HKDC1: variants seen among roughly 807,000 people sequenced by gnomAD.
The protein encoded by HKDC1 is hexokinase domain containing 1, also known as hexokinase HKDC1.
HKDC1 carries 66 observed loss-of-function variants against 96.6 expected under a neutral mutation model. That is an observed-to-expected ratio of 0.68 (90% CI 0.56 to 0.84). HKDC1 has a LOEUF of 0.84. Among genes scored for constraint, HKDC1 ranks in the 40% least tolerant of loss-of-function variants. The probability of loss-of-function intolerance (pLI) is 0.00; values close to 1 mark genes in which losing one functional copy is unlikely to be tolerated. For synonymous variants in HKDC1, 466 were observed against 473.1 expected, an observed-to-expected ratio of 0.98 and a Z score of 0.20; for missense variants, 1,211 against 1,208.1, an observed-to-expected ratio of 1.00 and a Z score of -0.04.
intron 12 of HKDC1, among the ~76,000 whole-genome samples, 193 bp downstream of exon 12, chr10:69,250,845 C>G (rs932404256): frequency 6.6e-6 from 1 of 152,128 alleles, no homozygotes; most frequent in Non-Finnish European, 1.5e-5. Context: ...ACTGACCATT[C>G]ACAAGAGAAT....
chr10:69,256,969 G>C lies in HKDC1; in HGVS notation c.1837-67G>C, dbSNP rs913182401. The C allele has an allele frequency of 3.4e-6, 4 of 1,175,662 alleles. No homozygotes were observed. The African/African-American group carries it at 6.0e-5, about 18-fold the overall frequency. The allele number at this position is 1,175,662 out of a possible 1,614,324, so 72.8% of individuals were successfully genotyped here. A position where few individuals can be genotyped will look rare whatever the true frequency, so the allele number is the denominator to read the frequency against. ...CAGCTATAGTGCTTTGCATCTGTTG[G>C]ATGTTGAGGTTGTGCAGTGGCCCTA... On this transcript the variant is annotated intron_variant, in intron 12 of 17. Transcript: ENST00000354624.
At chr10:69,225,736 G>A (rs1843144890) in intron 1 of HKDC1, 2 of 152,238 alleles carry the variant, frequency 1.3e-5, no homozygotes, top group African/African-American at 2.4e-5. Context: ...GTGAGCCAAA[G>A]CCAGGCCATG....
chr10:69,227,442 G>A, intron 2 of HKDC1, 73 bp downstream of exon 2: 1 of 1,547,208 alleles, frequency 6.5e-7, no homozygotes, highest in Non-Finnish European at 8.8e-7. Flanking sequence ...CCTAAGGTTT[G>A]CCCCTGTACC....
chr10:69,223,741 C>A (rs959062393), intron 1 of HKDC1, among the ~76,000 whole-genome samples: 1 of 150,564 alleles, frequency 6.6e-6, no homozygotes, highest in Admixed American at 6.6e-5. Flanking sequence ...CGCACCACCA[C>A]GCCCAGCTAA....
At chr10:69,229,056 G>A (rs1286109158) in intron 2 of HKDC1, among the ~76,000 whole-genome samples, 1 of 152,184 alleles carries the variant, frequency 6.6e-6, no homozygotes, top group Admixed American at 6.5e-5. Context: ...CTGGGGACTC[G>A]CTGAGCCACA....
At position 69,232,777 on chromosome 10, in the gene HKDC1, C is replaced by T. The variant is rs1206286761; in HGVS notation, c.240C>T (p.Phe80=). 1.9e-5 allele frequency: 31 copies of T among 1,613,886 alleles called. No individual in the cohort carries two copies. Among genetic ancestry groups the T allele is most frequent in the Non-Finnish European group, 2.4e-5 (28 of 1,179,996 alleles). Reference sequence around the variant, plus strand: ...GTTTCTTAATAGAAAATGGGGAGTTCCTTTCCCTGGATCTCGGAGGGTCCA... The same window carrying T: ...GTTTCTTAATAGAAAATGGGGAGTTTCTTTCCCTGGATCTCGGAGGGTCCA... ...AIPDGSENGE[F]LSLDLGGSKF... Residue 80 remains phenylalanine (F), a synonymous_variant, in exon 3 of 18, where the codon TTC becomes TTT. Transcript: ENST00000354624.
At chr10:69,249,633 C>CT (rs1264491616) in intron 10 of HKDC1, among the ~76,000 whole-genome samples, 2 of 152,176 alleles carry the variant, frequency 1.3e-5, no homozygotes, top group Non-Finnish European at 2.9e-5. Flanking sequence ...GTAGCTGGGA[C>CT]TACAGGCGCC....
intron 2 of HKDC1, among the ~76,000 whole-genome samples, chr10:69,229,363 G>A (rs536496842): frequency 5.3e-5 from 8 of 152,380 alleles, no homozygotes; most frequent in South Asian, 2.1e-4. Context: ...AGGTGCTTGG[G>A]ATGGACAGTG....
intron 4 of HKDC1, among the ~76,000 whole-genome samples, chr10:69,235,103 G>T (rs917678750): frequency 2.6e-5 from 4 of 151,986 alleles, no homozygotes; most frequent in African/African-American, 9.7e-5. Flanking sequence ...CTCCAGCAGC[G>T]CAGGCCACAA....
rs753476396 is a variant in HKDC1, at chr10:69,257,121, A to G, written c.1922A>G (p.Lys641Arg). 6.2e-7 allele frequency: 1 copy of G among 1,614,024 alleles called. No individual in the cohort carries two copies. Among genetic ancestry groups the G allele is most frequent in the South Asian group, 1.1e-5 (1 of 91,068 alleles). ...GTGGACATGCTCAGGGAAGCCATCA[A>G]GAGGAGAAACGTAGGATGTGGTGTT... ...DVVDMLREAIKRRNEFDLDIV... is the reference protein window; with the variant it reads ...DVVDMLREAIRRRNEFDLDIV... The change falls in exon 13 of 18, where the codon AAG (lysine) becomes AGG (arginine). Residue 641 changes from lysine (K) to arginine (R), a missense_variant. By Grantham distance (26) the Lys-to-Arg change is conservative (BLOSUM62 2). Coordinates refer to ENST00000354624, the MANE Select transcript of HKDC1 (RefSeq NM_025130.4).
intron 10 of HKDC1, 141 bp downstream of exon 10, chr10:69,248,869 C>G (rs781360560): frequency 3.9e-6 from 3 of 764,172 alleles, no homozygotes; most frequent in Non-Finnish European, 6.1e-6. Flanking sequence ...GGCTAGTATT[C>G]TTTCTAAATC....
At chr10:69,242,295 C>T (rs1052886626) in intron 6 of HKDC1, among the ~76,000 whole-genome samples, 4 of 152,066 alleles carry the variant, frequency 2.6e-5, no homozygotes, top group East Asian at 1.9e-4. Context: ...GGGGGGGCCA[C>T]GCCTAAACAG....
rs148723879 is a variant in HKDC1 at position 69,246,212 on chromosome 10, C to T, written c.1009C>T (p.Arg337Trp). Residue 337 changes from arginine to tryptophan, a missense_variant, in exon 8 of 18, where the codon CGG becomes TGG. Transcript: ENST00000354624. Reference protein sequence around the residue: ...ALHTKGKIETRHVAAMEKYKE... With the variant: ...ALHTKGKIETWHVAAMEKYKE... ...CCACACTAAGGGCAAGATCGAAACA[C>T]GGCACGTGGCTGCCATGGAGAAGTA... The T allele has an allele frequency of 1.4e-4, 218 of 1,613,892 alleles. No homozygotes were observed. The highest frequency in any genetic ancestry group is 2.7e-4 in the Admixed American group (16 of 60,010).
At chr10:69,233,263 C>A in intron 4 of HKDC1, 130 bp downstream of exon 4, 4 of 1,312,858 alleles carry the variant, frequency 3.0e-6, no homozygotes, top group South Asian at 2.8e-5. Context: ...TCTTTTTGTT[C>A]ATGATGAGGT....
rs187539372 is a variant in HKDC1, at chr10:69,226,895, C to T, written c.64-312C>T. Among the ~76,000 whole-genome samples the T allele has an allele frequency of 2.6e-5, 4 of 152,134 alleles. No individual in the cohort carries two copies. The East Asian group carries it at 7.7e-4, about 29-fold the overall frequency. On this transcript the variant is annotated intron_variant, in intron 1 of 17. Transcript: ENST00000354624. ...AGGGCCCTGAACTGGGAATCGGAAA[C>T]CCTGAATCCTTCTTAGTTTCTGCCT...
Position 69,265,781 on chromosome 10 carries a change from G to C in HKDC1, c.2569G>C (p.Val857Leu). Residue 857 changes from valine (V) to leucine (L), a missense_variant, in exon 17 of 18, where the codon GTG (valine) becomes CTG (leucine). Transcript: ENST00000354624. ...DQGLEHLRIT[V>L]GVDGTLYKLH... ...GGGGCTAGAGCACCTGAGGATCACT[G>C]TGGGTGTGGACGGCACCCTGTACAA... 6.2e-7 allele frequency: 1 copy of C among 1,613,572 alleles called. No homozygotes were observed. The highest frequency in any genetic ancestry group is 1.1e-5 in the South Asian group (1 of 91,046).
At position 69,243,264 on chromosome 10, in the gene HKDC1, CA is replaced by C; in HGVS notation, c.775del (p.Thr259GlnfsTer38). On this transcript the variant is annotated frameshift_variant, in exon 7 of 18. Transcript: ENST00000354624. LOFTEE classifies it high-confidence loss of function. Reference sequence around the variant, plus strand: ...GCGACGAGGGCAGGATGTGCATCAACACAGAGTGGGGGGCCTTCGGGGACGA... The same window carrying C: ...GCGACGAGGGCAGGATGTGCATCAACCAGAGTGGGGGGCCTTCGGGGACGA... The part of the protein sequence containing the change: ...EGDEGRMCIN[T>X]EWGAFGDDGA... The C allele has an allele frequency of 6.2e-7, 1 of 1,614,170 alleles. No individual in the cohort carries two copies. The highest frequency in any genetic ancestry group is 8.5e-7 in the Non-Finnish European group (1 of 1,180,014).
At chr10:69,262,117 T>C (rs779412924) in intron 16 of HKDC1, 5 of 434,854 alleles carry the variant, frequency 1.1e-5, no homozygotes, top group South Asian at 8.3e-5. Context: ...ACATCGTAAA[T>C]GGTGATGATT....
intron 1 of HKDC1, among the ~76,000 whole-genome samples, chr10:69,225,548 C>T (rs1006855342): frequency 2.0e-5 from 3 of 152,176 alleles, no homozygotes; most frequent in African/African-American, 7.2e-5. Flanking sequence ...GCCCCCGAGT[C>T]CCCGGAGCCA....
Sources: gnomAD v4.1 joint callset for allele counts (sites outside exome capture counted in the v4.1 genomes callset) on GRCh38, gnomAD v4.1.1 for gene constraint, MANE v1.5 for transcripts, NCBI Gene and HGNC (gene_info 2026-07-23, HGNC 2026-07-21) for gene names.